SLC25A21: variants seen among roughly 807,000 people sequenced by gnomAD.
SLC25A21 encodes mitochondrial 2-oxodicarboxylate carrier.
SLC25A21 carries 47 observed loss-of-function variants against 43.8 expected under a neutral mutation model. That is an observed-to-expected ratio of 1.07 (90% CI 0.85 to 1.37). The LOEUF (loss-of-function observed/expected upper bound fraction) is 1.37, where lower values mean the gene tolerates loss of function less well. Ranked by LOEUF, SLC25A21 falls within the 40% of genes most tolerant of loss-of-function variation. The pLI is 0.00. For synonymous variants in SLC25A21, 131 were observed against 121.3 expected, an observed-to-expected ratio of 1.08 and a Z score of -0.52; for missense variants, 352 against 350.2, an observed-to-expected ratio of 1.00 and a Z score of -0.04.
intron 1 of SLC25A21, among the ~76,000 whole-genome samples, chr14:37,057,033 A>G (rs1171565219): frequency 6.6e-6 from 1 of 152,188 alleles, no homozygotes; most frequent in Non-Finnish European, 1.5e-5. Context: ...AGATTTCACA[A>G]ATGTGTTATT....
chr14:37,000,824 A>G (rs904150952), intron 1 of SLC25A21, among the ~76,000 whole-genome samples: 1 of 152,002 alleles, frequency 6.6e-6, no homozygotes, highest in African/African-American at 2.4e-5. Flanking sequence ...CCCTGCTCCC[A>G]TGTGAAGAAG....
At chr14:36,786,423 CT>C (rs1485219109) in intron 3 of SLC25A21, among the ~76,000 whole-genome samples, 1 of 152,226 alleles carries the variant, frequency 6.6e-6, no homozygotes, top group Non-Finnish European at 1.5e-5. Context: ...AAAACATATT[CT>C]GCAATATTTC....
intron 1 of SLC25A21, among the ~76,000 whole-genome samples, chr14:36,895,312 T>G (rs1401289229): frequency 9.2e-5 from 14 of 152,376 alleles, no homozygotes; most frequent in Non-Finnish European, 1.5e-5. Flanking sequence ...TTCTACATTT[T>G]CTAGTTTATT....
intron 1 of SLC25A21, among the ~76,000 whole-genome samples, chr14:37,169,569 CA>C (rs1964086623): frequency 1.2e-5 from 1 of 86,102 alleles, no homozygotes; most frequent in African/African-American, 4.3e-5. Context: ...CCTTTACAAA[CA>C]AAAGGTCATA....
intron 7 of SLC25A21, among the ~76,000 whole-genome samples, chr14:36,702,203 C>A (rs563490178): frequency 1.3e-5 from 2 of 152,098 alleles, no homozygotes; most frequent in Non-Finnish European, 2.9e-5. Context: ...AACACTCATT[C>A]TTAATCTTCT....
At chr14:37,030,639 C>G (rs1263595109) in intron 1 of SLC25A21, among the ~76,000 whole-genome samples, 2 of 152,112 alleles carry the variant, frequency 1.3e-5, no homozygotes, top group African/African-American at 4.8e-5. Context: ...CTAGTAGAAT[C>G]TAAGAAATGA....
At chr14:36,805,295 A>G (rs1385476126) in intron 3 of SLC25A21, among the ~76,000 whole-genome samples, 1 of 152,140 alleles carries the variant, frequency 6.6e-6, no homozygotes, top group African/African-American at 2.4e-5. Context: ...TGTGAGAGAG[A>G]GGCTGGGGGA....
Position 36,847,042 on chromosome 14 carries a change from G to A in SLC25A21, c.119+27914C>T, listed in dbSNP as rs897865571. ...TTCTACTCAATGTGAATGTTTATACGTCTAGCCGCAGAATTATTGATTATG... is the reference window on the plus strand; with the variant it reads ...TTCTACTCAATGTGAATGTTTATACATCTAGCCGCAGAATTATTGATTATG... On this transcript the variant is annotated intron_variant, in intron 2 of 9. Coordinates refer to ENST00000331299, the MANE Select transcript of SLC25A21 (RefSeq NM_030631.4). Among the ~76,000 whole-genome samples, 7 of 152,286 alleles carry A rather than the reference G, an allele frequency of 4.6e-5. No individual in the cohort carries two copies. The East Asian group carries it at 5.8e-4, about 13-fold the overall frequency.
intron 1 of SLC25A21, among the ~76,000 whole-genome samples, chr14:37,070,283 T>C (rs891393834): frequency 2.0e-5 from 3 of 152,204 alleles, no homozygotes; most frequent in African/African-American, 4.8e-5. Context: ...CAAATTGTCA[T>C]TGTTTCCTCA....
chr14:36,891,765 C>G (rs1891078871), intron 1 of SLC25A21, among the ~76,000 whole-genome samples: 1 of 152,100 alleles, frequency 6.6e-6, no homozygotes, highest in Non-Finnish European at 1.5e-5. Flanking sequence ...GAATATGTCT[C>G]TTCAATACCC....
rs1183776317 is a variant in SLC25A21 at position 36,774,579 on chromosome 14, T to C, written c.203+39339A>G. Among the ~76,000 whole-genome samples the C allele has an allele frequency of 2.8e-5, 4 of 145,182 alleles. No homozygotes were observed. In the East Asian group the frequency reaches 8.5e-4, roughly 31 times the overall value. Reference sequence around the variant, plus strand: ...CACAGGTTGAGTTTATTTTAGAGACTTTTTTTTTTTAAGACAGGGTCTCTG... The same window carrying C: ...CACAGGTTGAGTTTATTTTAGAGACCTTTTTTTTTTAAGACAGGGTCTCTG... On this transcript the variant is annotated intron_variant, in intron 3 of 9. Transcript: ENST00000331299.
At chr14:37,060,940 A>G (rs947780592) in intron 1 of SLC25A21, among the ~76,000 whole-genome samples, 2 of 152,138 alleles carry the variant, frequency 1.3e-5, no homozygotes, top group African/African-American at 4.8e-5. Flanking sequence ...GTTCTGCCCA[A>G]TAGAGCTGCC....
intron 5 of SLC25A21, among the ~76,000 whole-genome samples, chr14:36,728,486 A>C (rs1270458115): frequency 6.6e-6 from 1 of 152,174 alleles, no homozygotes; most frequent in Non-Finnish European, 1.5e-5. Flanking sequence ...AAAGGAAAAA[A>C]TCCCAGCTAG....
intron 1 of SLC25A21, among the ~76,000 whole-genome samples, chr14:37,021,929 A>C (rs1230745554): frequency 6.6e-6 from 1 of 151,938 alleles, no homozygotes; most frequent in African/African-American, 2.4e-5. Flanking sequence ...AACTGTACTA[A>C]TGCCTCCTTG....
intron 1 of SLC25A21, among the ~76,000 whole-genome samples, chr14:36,953,445 G>A (rs903565207): frequency 4.6e-5 from 7 of 151,970 alleles, no homozygotes; most frequent in African/African-American, 1.7e-4. Flanking sequence ...CAAAGAAAAA[G>A]TCAAAACAGA....
At chr14:37,091,655 T>C (rs984226216) in intron 1 of SLC25A21, among the ~76,000 whole-genome samples, 1 of 152,188 alleles carries the variant, frequency 6.6e-6, no homozygotes, top group Non-Finnish European at 1.5e-5. Flanking sequence ...TTTGCACACG[T>C]CTGTGAATGA....
At chr14:36,727,505 T>C (rs553404663) in intron 5 of SLC25A21, among the ~76,000 whole-genome samples, 67 of 152,226 alleles carry the variant, frequency 4.4e-4, no homozygotes, top group Non-Finnish European at 9.3e-4. Context: ...CTGGCCAACA[T>C]GGTGAAACCC....
At chr14:36,798,727 T>A (rs1310267440) in intron 3 of SLC25A21, among the ~76,000 whole-genome samples, 1 of 152,124 alleles carries the variant, frequency 6.6e-6, no homozygotes, top group African/African-American at 2.4e-5. Flanking sequence ...AATAATGTTG[T>A]TTGCCCTTCA....
Position 36,680,027 on chromosome 14 carries a change from TA to T in SLC25A21, c.*630del. On this transcript the variant is annotated 3_prime_UTR_variant, in exon 10 of 10. Coordinates refer to ENST00000331299, the MANE Select transcript of SLC25A21 (RefSeq NM_030631.4). Reference sequence around the variant, plus strand: ...TATTATCTTACAGCAATATGAGATATAAAGTAGATGTAGGAAAATAGAGCTG... The same window carrying T: ...TATTATCTTACAGCAATATGAGATATAAGTAGATGTAGGAAAATAGAGCTG... 1 of 868,756 alleles carries T rather than the reference TA, an allele frequency of 1.2e-6. No homozygotes were observed. Among genetic ancestry groups the T allele is most frequent in the Non-Finnish European group, 1.4e-6 (1 of 725,130 alleles). The allele number at this position is 868,756 out of a possible 1,614,324, so 53.8% of individuals were successfully genotyped here.
Sources: gnomAD v4.1 joint callset for allele counts (sites outside exome capture counted in the v4.1 genomes callset) on GRCh38, gnomAD v4.1.1 for gene constraint, MANE v1.5 for transcripts, NCBI Gene and HGNC (gene_info 2026-07-23, HGNC 2026-07-21) for gene names.